NRG2: variants seen among roughly 807,000 people sequenced by gnomAD.
NRG2 encodes the protein pro-neuregulin-2, membrane-bound isoform.
In NRG2, 27 loss-of-function variants were observed where a neutral mutation model predicts 73.9. The observed-to-expected ratio is 0.37, with a 90% CI of 0.27 to 0.50. NRG2 has a LOEUF of 0.50. Ranked by LOEUF, NRG2 falls within the 20% of genes least tolerant of loss-of-function variation. The pLI is 0.96. For synonymous variants in NRG2, 532 were observed against 541.0 expected (o/e 0.98, Z 0.23); for missense variants, 1,126 against 1,210.1 (o/e 0.93, Z 1.03).
chr5:139,998,929 T>C (rs1758231627), intron 1 of NRG2, among the ~76,000 whole-genome samples: 1 of 152,098 alleles, frequency 6.6e-6, no homozygotes, highest in Admixed American at 6.6e-5. Context: ...AGACTCTGAA[T>C]CCTACATCAC....
At chr5:139,994,003 A>G (rs1165854671) in intron 1 of NRG2, among the ~76,000 whole-genome samples, 1 of 152,160 alleles carries the variant, frequency 6.6e-6, no homozygotes. Flanking sequence ...TGTTTACTAT[A>G]TAAAAAAGTA....
rs1382856867 is a variant in NRG2, at chr5:139,982,672, C to T, written c.700+59698G>A. Among the ~76,000 whole-genome samples the T allele has an allele frequency of 2.6e-5, 4 of 152,236 alleles. 1 individual carries two copies. Among genetic ancestry groups the T allele is most frequent in the Admixed American group, 2.0e-4 (3 of 15,290 alleles). On this transcript the variant is annotated intron_variant, in intron 1 of 9. Transcript: ENST00000361474. ...TGTTGGAATTGTTCTTCTCTCTCTTCTGCCTCAGGGCAGCTCAGAAAATGC... is the reference window on the plus strand; with the variant it reads ...TGTTGGAATTGTTCTTCTCTCTCTTTTGCCTCAGGGCAGCTCAGAAAATGC...
intron 1 of NRG2, among the ~76,000 whole-genome samples, chr5:139,917,436 G>C (rs1475390403): frequency 6.6e-6 from 1 of 152,050 alleles, no homozygotes; most frequent in Non-Finnish European, 1.5e-5. Context: ...ATTTTTTGTA[G>C]AGACAGGGTT....
Position 139,880,841 on chromosome 5 carries a change from T to C in NRG2, c.991+15A>G, listed in dbSNP as rs757504723. 23 of 1,608,770 alleles carry C rather than the reference T, an allele frequency of 1.4e-5. No homozygotes were observed. Among genetic ancestry groups the C allele is most frequent in the Non-Finnish European group, 1.9e-5 (22 of 1,175,434 alleles). On this transcript the variant is annotated intron_variant, in intron 3 of 9. Coordinates refer to ENST00000361474, the MANE Select transcript of NRG2 (RefSeq NM_004883.3). ...AACCCCTCTAGGACCCTTCCCTCTG[T>C]CTGGGCCCACCTACCGCTGTTGACG...
rs1311792887 is a variant in NRG2, at chr5:139,948,784, T to C, written c.701-61273A>G. 2.0e-5 allele frequency among the ~76,000 whole-genome samples: 3 copies of C among 151,896 alleles called. 1 individual carries two copies. Among genetic ancestry groups the C allele is most frequent in the Admixed American group, 6.6e-5 (1 of 15,224 alleles). ...CCCAGTTAGCAGGTTGTTGCAGGAGTTCTGGGTGAGACAAGGGTAGTGGTA... is the reference window on the plus strand; with the variant it reads ...CCCAGTTAGCAGGTTGTTGCAGGAGCTCTGGGTGAGACAAGGGTAGTGGTA... On this transcript the variant is annotated intron_variant, in intron 1 of 9. Coordinates refer to ENST00000361474, the MANE Select transcript of NRG2 (RefSeq NM_004883.3).
intron 9 of NRG2, among the ~76,000 whole-genome samples, chr5:139,849,110 C>T (rs1417366280): frequency 6.6e-6 from 1 of 152,116 alleles, no homozygotes; most frequent in Non-Finnish European, 1.5e-5. Flanking sequence ...GACCCTTCCG[C>T]CAGTCCCATT....
At chr5:139,873,113 G>A (rs1762965986) in intron 3 of NRG2, among the ~76,000 whole-genome samples, 1 of 152,180 alleles carries the variant, frequency 6.6e-6, no homozygotes, top group Non-Finnish European at 1.5e-5. Context: ...AGCACAGGGG[G>A]CTGGGAGTGT....
At chr5:139,898,362 T>C (rs1237518972) in intron 1 of NRG2, among the ~76,000 whole-genome samples, 1 of 152,222 alleles carries the variant, frequency 6.6e-6, no homozygotes, top group African/African-American at 2.4e-5. Context: ...GGGAGCAGGT[T>C]GCTGCCCTCA....
At chr5:139,900,955 G>A (rs1405052110) in intron 1 of NRG2, among the ~76,000 whole-genome samples, 3 of 152,214 alleles carry the variant, frequency 2.0e-5, no homozygotes, top group Non-Finnish European at 4.4e-5. Context: ...GCAACTCAAT[G>A]AGCCCACACA....
intron 1 of NRG2, among the ~76,000 whole-genome samples, chr5:139,948,930 G>C (rs1419729264): frequency 6.6e-6 from 1 of 151,982 alleles, no homozygotes. Flanking sequence ...CCTCGGCATA[G>C]GCAAGCTCCG....
At chr5:139,912,960 C>T (rs1327814418) in intron 1 of NRG2, among the ~76,000 whole-genome samples, 3 of 152,188 alleles carry the variant, frequency 2.0e-5, no homozygotes, top group African/African-American at 4.8e-5. Flanking sequence ...ACCTTTGTTC[C>T]TTGCCATCAG....
intron 1 of NRG2, among the ~76,000 whole-genome samples, chr5:139,913,455 T>C (rs796548650): frequency 1.6e-4 from 25 of 152,310 alleles, no homozygotes; most frequent in African/African-American, 6.0e-4. Context: ...CTTTACATGA[T>C]TTTATCCACA....
chr5:139,947,433 AT>A (rs201267282), intron 1 of NRG2, among the ~76,000 whole-genome samples: 1,957 of 152,324 alleles, frequency 0.013, 31 homozygotes, highest in African/African-American at 0.044. Flanking sequence ...CTGTTGCCAA[AT>A]AATATTCTAT....
At chr5:139,848,775 G>GGGGGGGCT in intron 9 of NRG2, 78 bp from the exon 10 acceptor site, 1 of 601,720 alleles carries the variant, frequency 1.7e-6, no homozygotes, top group Non-Finnish European at 2.4e-6. Context: ...GTGGGGTAGG[G>GGGGGGGCT]TGGGAGGGGC....
In NRG2 at chr5:140,042,511, G is replaced by T; in HGVS notation, c.559C>A (p.Pro187Thr). The change falls in exon 1 of 10, where the codon CCG becomes ACG. Residue 187 changes from proline (P) to threonine (T), a missense_variant. This residue lies in a region of NRG2 where 539 missense variants were observed against 703.2 expected (regional missense o/e 0.77). Coordinates refer to ENST00000361474, the MANE Select transcript of NRG2 (RefSeq NM_004883.3). ...EQVISVGSCVPLERNQRYIFF... is the reference protein window; with the variant it reads ...EQVISVGSCVTLERNQRYIFF... The stretch of plus-strand genomic sequence containing the variant: ...ATGTAGCGCTGGTTCCTTTCGAGCG[G>T]CACACAGGAGCCCACGCTGATCACC... 4 of 1,613,568 alleles carry T rather than the reference G, an allele frequency of 2.5e-6. No individual in the cohort carries two copies. Among genetic ancestry groups the T allele is most frequent in the Non-Finnish European group, 3.4e-6 (4 of 1,179,870 alleles).
intron 2 of NRG2, among the ~76,000 whole-genome samples, chr5:139,883,453 G>A (rs1490633244): frequency 6.6e-6 from 1 of 152,124 alleles, no homozygotes; most frequent in Non-Finnish European, 1.5e-5. Context: ...GGCACAGGAA[G>A]GCTTGGGTGA....
intron 3 of NRG2, among the ~76,000 whole-genome samples, chr5:139,878,148 C>A (rs1038533766): frequency 6.6e-6 from 1 of 152,240 alleles, no homozygotes; most frequent in Non-Finnish European, 1.5e-5. Flanking sequence ...GCACAGCAGC[C>A]GCTCCCACTT....
At chr5:139,968,849 T>G (rs981996217) in intron 1 of NRG2, among the ~76,000 whole-genome samples, 1 of 152,228 alleles carries the variant, frequency 6.6e-6, no homozygotes, top group Non-Finnish European at 1.5e-5. Context: ...CCAAAGCCCC[T>G]ACAGCTTTCC....
chr5:140,029,782 C>G (rs180841574), intron 1 of NRG2, among the ~76,000 whole-genome samples: 46 of 151,612 alleles, frequency 3.0e-4, no homozygotes, highest in African/African-American at 9.9e-4. Flanking sequence ...GAGAGGAGAA[C>G]CAAGGACAAC....
Sources: gnomAD v4.1 joint callset for allele counts (sites outside exome capture counted in the v4.1 genomes callset) on GRCh38, gnomAD v4.1.1 for gene constraint, gnomAD v4.1.1 regional missense constraint, MANE v1.5 for transcripts, NCBI Gene and HGNC (gene_info 2026-07-23, HGNC 2026-07-21) for gene names.